MAP4K4: variants seen among roughly 807,000 people sequenced by gnomAD.
MAP4K4 encodes HPK/GCK-like kinase HGK.
In MAP4K4, 38 loss-of-function variants were observed where a neutral mutation model predicts 189.6. The ratio of observed to expected loss-of-function variants is 0.20; its 90% CI spans 0.15 to 0.26. The LOEUF is 0.26. Among genes scored for constraint, MAP4K4 ranks in the 10% least tolerant of loss-of-function variants. The pLI, the probability that MAP4K4 is intolerant of heterozygous loss-of-function variation, is 1.00. For missense variants in MAP4K4, 1,054 were observed against 1,726.9 expected, an observed-to-expected ratio of 0.61 and a Z score of 6.91; for synonymous variants, 610 against 624.3, an observed-to-expected ratio of 0.98 and a Z score of 0.34.
intron 3 of MAP4K4, among the ~76,000 whole-genome samples, chr2:101,820,508 A>G (rs1486568035): frequency 2.6e-5 from 4 of 152,222 alleles, no homozygotes; most frequent in Non-Finnish European, 2.9e-5. Flanking sequence ...GGATAAAAGG[A>G]GAAAAACCAT....
At chr2:101,791,714 G>A (rs1317726627) in intron 3 of MAP4K4, among the ~76,000 whole-genome samples, 2 of 152,136 alleles carry the variant, frequency 1.3e-5, no homozygotes, top group African/African-American at 4.8e-5. Context: ...CTCCTCCTTT[G>A]CCTTGCTCTT....
chr2:101,803,078 G>A (rs370712580), intron 3 of MAP4K4, among the ~76,000 whole-genome samples: 67 of 152,348 alleles, frequency 4.4e-4, no homozygotes, highest in Middle Eastern at 3.4e-3. Flanking sequence ...CAGCCACTGA[G>A]CATGGCCAGT....
exon 33 of MAP4K4, chr2:101,892,841 C>T (rs1027643535): frequency 2.2e-5 from 10 of 454,682 alleles, no homozygotes; most frequent in African/African-American, 1.2e-4. Context: ...CTCAAGCTCC[C>T]GTAAGGATAT....
chr2:101,731,733 A>C (rs1314583265), intron 2 of MAP4K4, among the ~76,000 whole-genome samples: 5 of 151,684 alleles, frequency 3.3e-5, no homozygotes, highest in African/African-American at 1.2e-4. Context: ...ACTGGGTGAC[A>C]AAGGGAGACC....
intron 28 of MAP4K4, 126 bp downstream of exon 28, chr2:101,882,811 A>G: frequency 2.1e-6 from 2 of 946,252 alleles, no homozygotes; most frequent in Non-Finnish European, 3.1e-6. Context: ...CACGTGGATC[A>G]TTTCTGGTGT....
chr2:101,763,898 A>G (rs2077485378), intron 2 of MAP4K4, among the ~76,000 whole-genome samples: 1 of 152,196 alleles, frequency 6.6e-6, no homozygotes, highest in Non-Finnish European at 1.5e-5. Context: ...GTGTTTCATC[A>G]CAAGGCTGTG....
chr2:101,889,930 G>A (rs2098541656), intron 32 of MAP4K4, among the ~76,000 whole-genome samples: 1 of 152,132 alleles, frequency 6.6e-6, no homozygotes, highest in Admixed American at 6.5e-5. Context: ...AGTTTCAAGT[G>A]GAGTTTTGCC....
Position 101,809,880 on chromosome 2 carries a change from C to T in MAP4K4, c.181-14048C>T, listed in dbSNP as rs78878038. ...AAACATCTGGTCTAAAGATGTAGTTCTCTCTCCTGCAACTGTATGTAAATC... is the reference window on the plus strand; with the variant it reads ...AAACATCTGGTCTAAAGATGTAGTTTTCTCTCCTGCAACTGTATGTAAATC... On this transcript the variant is annotated intron_variant, in intron 3 of 32. Coordinates refer to ENST00000324219, the Ensembl canonical transcript of MAP4K4. 3.3e-3 allele frequency among the ~76,000 whole-genome samples: 497 copies of T among 152,330 alleles called. 1 individual carries two copies. The highest frequency in any genetic ancestry group is 5.7e-3 in the Non-Finnish European group (391 of 68,032).
chr2:101,766,979 C>T lies in MAP4K4; in HGVS notation c.124-23741C>T, dbSNP rs1275305378. Among the ~76,000 whole-genome samples, 4 of 152,202 alleles carry T rather than the reference C, an allele frequency of 2.6e-5. No homozygotes were observed. The East Asian group carries it at 7.7e-4, about 29-fold the overall frequency. On this transcript the variant is annotated intron_variant, in intron 2 of 32. Coordinates refer to ENST00000324219, the Ensembl canonical transcript of MAP4K4. ...ACAGAATTTTCTGGGGTTTAAATACCCTCTAGAGGTTTTCCATTGGCTACT... is the reference window on the plus strand; with the variant it reads ...ACAGAATTTTCTGGGGTTTAAATACTCTCTAGAGGTTTTCCATTGGCTACT...
intron 20 of MAP4K4, chr2:101,867,707 T>G (rs1285107484): frequency 2.4e-6 from 1 of 415,538 alleles, no homozygotes; most frequent in African/African-American, 2.0e-5. Context: ...CTTCGTGAGT[T>G]CAGCATTTAC....
chr2:101,871,447 A>G (rs967946632), intron 23 of MAP4K4, 47 bp from the exon 24 acceptor site: 8 of 1,463,342 alleles, frequency 5.5e-6, no homozygotes, highest in Non-Finnish European at 7.3e-6. Context: ...GCCATAGGCA[A>G]TTTTAGCAGC....
Position 101,800,460 on chromosome 2 carries a change from G to A in MAP4K4, c.180+9684G>A, listed in dbSNP as rs531688647. Among the ~76,000 whole-genome samples, 4 of 152,262 alleles carry A rather than the reference G, an allele frequency of 2.6e-5. No individual in the cohort carries two copies. The South Asian group carries it at 6.2e-4, about 24-fold the overall frequency. The stretch of plus-strand genomic sequence containing the variant: ...TGAGCAGTAGCAAAAAATATATATA[G>A]TGTCCCTTTTAAAAGATTACAGACA... On this transcript the variant is annotated intron_variant, in intron 3 of 32. Coordinates refer to ENST00000324219, the Ensembl canonical transcript of MAP4K4.
chr2:101,778,905 C>T (rs894922651), intron 2 of MAP4K4, among the ~76,000 whole-genome samples: 1 of 152,148 alleles, frequency 6.6e-6, no homozygotes, highest in Non-Finnish European at 1.5e-5. Context: ...GCCAGACACA[C>T]CTGAGTCGGA....
At chr2:101,799,946 A>C (rs1032170313) in intron 3 of MAP4K4, among the ~76,000 whole-genome samples, 6 of 152,056 alleles carry the variant, frequency 3.9e-5, no homozygotes, top group Non-Finnish European at 8.8e-5. Context: ...AACAGTGGCC[A>C]CATGTTCATT....
chr2:101,812,781 A>T (rs1200989263), intron 3 of MAP4K4, among the ~76,000 whole-genome samples: 1 of 152,196 alleles, frequency 6.6e-6, no homozygotes, highest in African/African-American at 2.4e-5. Flanking sequence ...TGCGAGATAA[A>T]ATAGCACCAA....
intron 18 of MAP4K4, among the ~76,000 whole-genome samples, chr2:101,865,338 G>T (rs768414024): frequency 3.3e-5 from 5 of 152,102 alleles, no homozygotes; most frequent in African/African-American, 4.8e-5. Flanking sequence ...AATTGTGATC[G>T]GGGGGAGCTT....
intron 3 of MAP4K4, among the ~76,000 whole-genome samples, chr2:101,807,631 A>G (rs554337756): frequency 8.5e-5 from 13 of 152,224 alleles, no homozygotes; most frequent in African/African-American, 2.9e-4. Flanking sequence ...TAATTGACTC[A>G]TGGTTCTACA....
chr2:101,774,412 A>G (rs187006261), intron 2 of MAP4K4, among the ~76,000 whole-genome samples: 251 of 152,016 alleles, frequency 1.7e-3, no homozygotes, highest in African/African-American at 4.0e-3. Context: ...AGATTATTAG[A>G]TTTTTTTCCT....
At chr2:101,835,449 C>A (rs1159515461) in intron 8 of MAP4K4, among the ~76,000 whole-genome samples, 1 of 152,154 alleles carries the variant, frequency 6.6e-6, no homozygotes, top group African/African-American at 2.4e-5. Flanking sequence ...TTTGCTCTTT[C>A]TAGTATTTTT....
Sources: gnomAD v4.1 joint callset for allele counts (sites outside exome capture counted in the v4.1 genomes callset) on GRCh38, gnomAD v4.1.1 for gene constraint, MANE v1.5 for transcripts, NCBI Gene and HGNC (gene_info 2026-07-23, HGNC 2026-07-21) for gene names.